Variants in PTPN3 observed in about 807,000 individuals in gnomAD.
The protein encoded by PTPN3 is tyrosine-protein phosphatase non-receptor type 3.
Under a neutral mutation model 132.7 loss-of-function variants are expected in PTPN3, and 96 were observed. That is an observed-to-expected ratio of 0.72 (90% CI 0.61 to 0.86). PTPN3 has a LOEUF of 0.86. PTPN3 is among the 40% of genes least tolerant of loss of function. PTPN3 has a pLI of 0.00. For missense variants in PTPN3, 1,125 were observed against 1,159.6 expected (o/e 0.97, Z 0.43); for synonymous variants, 398 against 429.0 (o/e 0.93, Z 0.89).
chr9:109,432,686 A>G (rs985178803), intron 10 of PTPN3, among the ~76,000 whole-genome samples: 5 of 152,192 alleles, frequency 3.3e-5, no homozygotes, highest in African/African-American at 1.2e-4. Flanking sequence ...ACAGAGCTGG[A>G]CACTTGGTAA....
At chr9:109,407,473 G>A (rs1841661747) in intron 17 of PTPN3, among the ~76,000 whole-genome samples, 1 of 152,140 alleles carries the variant, frequency 6.6e-6, no homozygotes, top group Admixed American at 6.5e-5. Flanking sequence ...ACATCATGTT[G>A]TACACCTTGA....
chr9:109,405,723 G>A (rs1298474824), intron 18 of PTPN3, among the ~76,000 whole-genome samples: 2 of 152,202 alleles, frequency 1.3e-5, no homozygotes, highest in Non-Finnish European at 2.9e-5. Context: ...CTGAGTAGCT[G>A]GGACTATACC....
At chr9:109,399,372 T>C (rs1271011997) in intron 19 of PTPN3, among the ~76,000 whole-genome samples, 4 of 152,188 alleles carry the variant, frequency 2.6e-5, no homozygotes, top group South Asian at 2.1e-4. Context: ...CTCTGACTAG[T>C]TGTGTGCCAC....
In PTPN3 at chr9:109,387,783, A is replaced by G. The variant is rs557008720; in HGVS notation, c.2253+1450T>C. 5.3e-5 allele frequency among the ~76,000 whole-genome samples: 8 copies of G among 152,366 alleles called. No homozygotes were observed. In the East Asian group the frequency reaches 1.5e-3, roughly 29 times the overall value. ...CTGCATTATTCACGTGTAGTAGCAAAAAATGATATTTCTCTCCAAAAGAAA... is the reference window on the plus strand; with the variant it reads ...CTGCATTATTCACGTGTAGTAGCAAGAAATGATATTTCTCTCCAAAAGAAA... On this transcript the variant is annotated intron_variant, in intron 22 of 25. Transcript: ENST00000374541.
At position 109,422,668 on chromosome 9, in the gene PTPN3, TA is replaced by T. The variant is rs764673859; in HGVS notation, c.1136+49del. ...GTTGAGTTTTTATTTTTAAAAGAGA[TA>T]AAGTGTCTACTGTTGGGTAGTACAA... On this transcript the variant is annotated intron_variant, in intron 13 of 25. Coordinates refer to ENST00000374541, the MANE Select transcript of PTPN3 (RefSeq NM_002829.4). 13 of 1,497,060 alleles carry T rather than the reference TA, an allele frequency of 8.7e-6. No homozygotes were observed. In the South Asian group the frequency reaches 1.5e-4, roughly 17 times the overall value. 92.7% of individuals were successfully genotyped at this position (1,497,060 alleles called of 1,614,324 possible).
intron 10 of PTPN3, chr9:109,428,959 G>C (rs1345140819): frequency 1.6e-5 from 16 of 985,308 alleles, no homozygotes; most frequent in Non-Finnish European, 1.8e-5. Context: ...TTTGCTATAA[G>C]CTGCTTTTGT....
intron 18 of PTPN3, among the ~76,000 whole-genome samples, chr9:109,405,304 C>T (rs1478740359): frequency 6.6e-6 from 1 of 152,118 alleles, no homozygotes; most frequent in Non-Finnish European, 1.5e-5. Flanking sequence ...CAGAGCTGGT[C>T]CTGGTGGCTC....
At chr9:109,385,936 T>C (rs923501671) in intron 22 of PTPN3, among the ~76,000 whole-genome samples, 3 of 152,220 alleles carry the variant, frequency 2.0e-5, no homozygotes, top group Non-Finnish European at 4.4e-5. Flanking sequence ...AGATGGTTTC[T>C]GAAAGGATGT....
chr9:109,525,426 T>C, the PTPN3 span, among the ~76,000 whole-genome samples: 1 of 152,170 alleles, frequency 6.6e-6, no homozygotes, highest in Admixed American at 6.5e-5. Context: ...TAAAGTCCAA[T>C]AGTTCTCAGC....
At chr9:109,507,293 G>A in the PTPN3 span, among the ~76,000 whole-genome samples, 1 of 152,212 alleles carries the variant, frequency 6.6e-6, no homozygotes, top group African/African-American at 2.4e-5. Context: ...AAGTGAGATG[G>A]AGAATTCCAA....
intron 6 of PTPN3, among the ~76,000 whole-genome samples, chr9:109,448,337 G>C (rs1844999502): frequency 6.6e-6 from 1 of 152,130 alleles, no homozygotes; most frequent in African/African-American, 2.4e-5. Flanking sequence ...AGGGACCATC[G>C]GCTTGGAATT....
chr9:109,536,366 A>G, the PTPN3 span, among the ~76,000 whole-genome samples: 10,271 of 152,296 alleles, frequency 0.067, 524 homozygotes, highest in East Asian at 0.23. Context: ...ATATACCTAC[A>G]AATGGAGTTG....
chr9:109,448,807 T>C lies in PTPN3; in HGVS notation c.413+4A>G, dbSNP rs762463412. On this transcript the variant is annotated splice_donor_region_variant and intron_variant, in intron 6 of 25. Transcript: ENST00000374541. Reference sequence around the variant, plus strand: ...GGAAAAGAAAAATGTAAAATTCTCATTACCTTCCTTCGCAAATATCCATCT... The same window carrying C: ...GGAAAAGAAAAATGTAAAATTCTCACTACCTTCCTTCGCAAATATCCATCT... The C allele has an allele frequency of 3.0e-5, 48 of 1,595,730 alleles. No homozygotes were observed. The highest frequency in any genetic ancestry group is 3.9e-5 in the Non-Finnish European group (46 of 1,174,720).
rs146618446 is a variant in PTPN3, at chr9:109,383,501, G to A, written c.2304C>T (p.Gly768=). ...WPDPPDVMNH[G]GFHIQCQSED... is the part of the protein sequence containing the mutation. ...CTGACTGACACTGGATGTGAAAGCC[G>A]CCGTGGTTCATGACGTCGGGGGGAT... The change falls in exon 23 of 26, where the codon GGC becomes GGT. Residue 768 remains glycine, a synonymous_variant. Coordinates refer to ENST00000374541, the MANE Select transcript of PTPN3 (RefSeq NM_002829.4). 29 of 1,614,080 alleles carry A rather than the reference G, an allele frequency of 1.8e-5. No individual in the cohort carries two copies. The highest frequency in any genetic ancestry group is 1.6e-4 in the Middle Eastern group (1 of 6,062).
intron 10 of PTPN3, among the ~76,000 whole-genome samples, chr9:109,429,876 C>T (rs1185767060): frequency 6.6e-6 from 1 of 152,186 alleles, no homozygotes; most frequent in African/African-American, 2.4e-5. Context: ...TTTTACTATT[C>T]TCTAGGATCA....
the PTPN3 span, among the ~76,000 whole-genome samples, chr9:109,510,926 T>G: frequency 6.6e-6 from 1 of 152,128 alleles, no homozygotes; most frequent in Non-Finnish European, 1.5e-5. Flanking sequence ...TTAATTTTCG[T>G]TTTTGTATTT....
At chr9:109,512,693 T>G in the PTPN3 span, among the ~76,000 whole-genome samples, 1 of 152,236 alleles carries the variant, frequency 6.6e-6, no homozygotes, top group Non-Finnish European at 1.5e-5. Context: ...TGTTTATCTA[T>G]TTTTAGGTAA....
intron 1 of PTPN3, among the ~76,000 whole-genome samples, chr9:109,473,190 G>A (rs1846463733): frequency 6.6e-6 from 1 of 152,156 alleles, no homozygotes; most frequent in African/African-American, 2.4e-5. Flanking sequence ...TCTTGCAGTT[G>A]TCAATCCTGA....
intron 1 of PTPN3, among the ~76,000 whole-genome samples, chr9:109,493,888 A>T (rs1465001222): frequency 2.0e-5 from 3 of 152,244 alleles, no homozygotes; most frequent in South Asian, 2.1e-4. Context: ...CCTGGGAGGC[A>T]GCCTGGCGAC....
Sources: gnomAD v4.1 joint callset for allele counts (sites outside exome capture counted in the v4.1 genomes callset) on GRCh38, gnomAD v4.1.1 for gene constraint, MANE v1.5 for transcripts, NCBI Gene and HGNC (gene_info 2026-07-23, HGNC 2026-07-21) for gene names.